FRMD4B: variants seen among roughly 807,000 people sequenced by gnomAD.
FRMD4B encodes FERM domain containing 4B, also known as FERM domain-containing protein 4B.
FRMD4B carries 74 observed loss-of-function variants against 141.5 expected under a neutral mutation model. That is an observed-to-expected ratio of 0.52 (90% CI 0.43 to 0.63). FRMD4B has a LOEUF of 0.63. FRMD4B is among the 30% of genes least tolerant of loss of function. FRMD4B has a pLI of 0.00. For missense variants in FRMD4B, 1,366 were observed against 1,253.4 expected (o/e 1.09, Z -1.36); for synonymous variants, 506 against 467.9 (o/e 1.08, Z -1.05).
intron 11 of FRMD4B, among the ~76,000 whole-genome samples, chr3:69,201,905 G>C (rs1020565423): frequency 6.6e-6 from 1 of 152,084 alleles, no homozygotes; most frequent in Non-Finnish European, 1.5e-5. Context: ...CAAGAGAGGG[G>C]CTGGGCGTGG....
intron 5 of FRMD4B, among the ~76,000 whole-genome samples, chr3:69,285,075 A>G (rs1349788886): frequency 1.3e-5 from 2 of 152,214 alleles, no homozygotes; most frequent in Non-Finnish European, 2.9e-5. Flanking sequence ...AGGCAGGAGA[A>G]TCACTTCAAT....
intron 14 of FRMD4B, 75 bp downstream of exon 14, chr3:69,196,179 AT>A: frequency 9.0e-7 from 1 of 1,108,474 alleles, no homozygotes; most frequent in South Asian, 1.6e-5. Flanking sequence ...TAAAAGATGA[AT>A]TTCGAAGTGG....
chr3:69,243,813 A>G (rs1024159385), intron 7 of FRMD4B, among the ~76,000 whole-genome samples: 21 of 152,210 alleles, frequency 1.4e-4, no homozygotes, highest in African/African-American at 5.1e-4. Flanking sequence ...TGGGAGGCCT[A>G]GACGGGCAGA....
chr3:69,276,937 C>T (rs755325464), intron 5 of FRMD4B, among the ~76,000 whole-genome samples: 1 of 152,194 alleles, frequency 6.6e-6, no homozygotes, highest in African/African-American at 2.4e-5. Context: ...TGCACTCCAG[C>T]CTGGGCGACA....
chr3:69,389,900 T>G (rs1195682808), upstream of FRMD4B, among the ~76,000 whole-genome samples: 2 of 114,334 alleles, frequency 1.7e-5, no homozygotes, highest in African/African-American at 3.2e-5. Flanking sequence ...GTCTTGCTTT[T>G]TCTTTCTTTC....
Position 69,360,964 on chromosome 3 carries a change from T to C in FRMD4B, c.162+24864A>G, listed in dbSNP as rs186912309. 2.6e-5 allele frequency among the ~76,000 whole-genome samples: 4 copies of C among 152,308 alleles called. No homozygotes were observed. The East Asian group carries it at 7.7e-4, about 29-fold the overall frequency. ...TTTCTATAATGAGAGATTTTTTTCCTTATCTATTAATTGGTTACCCAGTAG... is the reference window on the plus strand; with the variant it reads ...TTTCTATAATGAGAGATTTTTTTCCCTATCTATTAATTGGTTACCCAGTAG... On this transcript the variant is annotated intron_variant, in intron 1 of 22. Coordinates refer to ENST00000398540, the MANE Select transcript of FRMD4B (RefSeq NM_015123.3).
chr3:69,430,351 T>G (rs1705158959), intron 2 of FRMD4B, among the ~76,000 whole-genome samples: 1 of 152,166 alleles, frequency 6.6e-6, no homozygotes, highest in Non-Finnish European at 1.5e-5. Flanking sequence ...GGGCAAGGCC[T>G]ATTTAGGCTG....
chr3:69,485,489 A>G (rs1706199859), intron 1 of FRMD4B, among the ~76,000 whole-genome samples: 1 of 152,080 alleles, frequency 6.6e-6, no homozygotes, highest in African/African-American at 2.4e-5. Flanking sequence ...GTTCCTGCCT[A>G]CTCTCAGCTC....
At chr3:69,473,206 C>A (rs759585617) in intron 1 of FRMD4B, among the ~76,000 whole-genome samples, 1 of 151,912 alleles carries the variant, frequency 6.6e-6, no homozygotes, top group Non-Finnish European at 1.5e-5. Flanking sequence ...CTTTCTTTGG[C>A]CTTCTCTCTT....
chr3:69,533,767 T>C (rs1473064067), intron 1 of FRMD4B, among the ~76,000 whole-genome samples: 1 of 152,186 alleles, frequency 6.6e-6, no homozygotes, highest in East Asian at 1.9e-4. Context: ...TACCATCCCA[T>C]GCACCCCCTG....
chr3:69,219,666 T>G (rs2093175380), intron 9 of FRMD4B, among the ~76,000 whole-genome samples: 1 of 152,116 alleles, frequency 6.6e-6, no homozygotes, highest in Non-Finnish European at 1.5e-5. Flanking sequence ...ATGTGCAGGT[T>G]TGTTACATAG....
At chr3:69,279,390 G>C (rs2093633318) in intron 5 of FRMD4B, among the ~76,000 whole-genome samples, 1 of 152,176 alleles carries the variant, frequency 6.6e-6, no homozygotes, top group Non-Finnish European at 1.5e-5. Context: ...ATAAATAACT[G>C]TGTAAGTTGC....
intron 1 of FRMD4B, among the ~76,000 whole-genome samples, chr3:69,382,376 T>G (rs745663383): frequency 9.9e-5 from 15 of 152,212 alleles, no homozygotes; most frequent in Non-Finnish European, 2.1e-4. Flanking sequence ...GGTCTTGCCA[T>G]GTTGGCCACG....
intron 1 of FRMD4B, among the ~76,000 whole-genome samples, chr3:69,522,457 T>G (rs972808191): frequency 2.0e-5 from 3 of 152,112 alleles, no homozygotes; most frequent in Non-Finnish European, 2.9e-5. Flanking sequence ...CACATCATAT[T>G]GGTCAGAACG....
chr3:69,471,376 G>T (rs1482851625), intron 1 of FRMD4B: 7 of 217,736 alleles, frequency 3.2e-5, no homozygotes, highest in African/African-American at 1.4e-4. Context: ...TGTAAAGATA[G>T]CCTCACTCAT....
chr3:69,520,992 G>A (rs923647275), intron 1 of FRMD4B, among the ~76,000 whole-genome samples: 4 of 152,140 alleles, frequency 2.6e-5, no homozygotes, highest in African/African-American at 7.2e-5. Context: ...GTTCTGTCTG[G>A]AGTGAGTTTG....
chr3:69,363,762 T>A (rs1237807475), intron 1 of FRMD4B, among the ~76,000 whole-genome samples: 1 of 152,168 alleles, frequency 6.6e-6, no homozygotes, highest in Non-Finnish European at 1.5e-5. Context: ...GGGTCCTATG[T>A]TTACCCTTAA....
intron 5 of FRMD4B, chr3:69,250,323 T>TGTG: frequency 6.2e-6 from 2 of 321,600 alleles, no homozygotes; most frequent in Admixed American, 5.6e-5. Flanking sequence ...GTGTGTCTAT[T>TGTG]TTAAATAGCT....
At chr3:69,435,387 T>C (rs1190431473) in intron 1 of FRMD4B, among the ~76,000 whole-genome samples, 14 of 152,100 alleles carry the variant, frequency 9.2e-5, no homozygotes, top group Non-Finnish European at 1.0e-4. Context: ...AGGAAGGCCA[T>C]TTAATAAACC....
Sources: allele counts gnomAD v4.1 joint callset (sites outside exome capture counted in the v4.1 genomes callset), GRCh38; gene constraint gnomAD v4.1.1; transcripts MANE v1.5; gene names NCBI Gene and HGNC (gene_info 2026-07-23, HGNC 2026-07-21).